The following NKAIN3 variants were observed in gnomAD, a reference collection of about 807,000 sequenced individuals.
The protein encoded by NKAIN3 is sodium/potassium transporting ATPase interacting 3, also known as sodium/potassium-transporting ATPase subunit beta-1-interacting protein 3.
NKAIN3 carries 25 observed loss-of-function variants against 30.2 expected under a neutral mutation model. The ratio of observed to expected loss-of-function variants is 0.83; its 90% CI spans 0.60 to 1.16. The LOEUF (loss-of-function observed/expected upper bound fraction) is 1.16. NKAIN3 is among the 50% of genes most tolerant of loss of function. NKAIN3 has a pLI of 0.00. For synonymous variants in NKAIN3, 91 were observed against 89.6 expected (o/e 1.02, Z -0.09); for missense variants, 225 against 254.1 (o/e 0.89, Z 0.78).
chr8:62,870,255 T>G lies in NKAIN3; in HGVS notation c.472-48198T>G, dbSNP rs940081406. ...ATATAGATATCTATAGATATCTATA[T>G]ATATATCTATATATAGATATATATA... On this transcript the variant is annotated intron_variant, in intron 4 of 6. Transcript: ENST00000623646. 1.6e-4 allele frequency among the ~76,000 whole-genome samples: 19 copies of G among 118,254 alleles called. 1 individual carries two copies. The highest frequency in any genetic ancestry group is 2.8e-4 in the African/African-American group (7 of 24,682). 77.6% of individuals were successfully genotyped at this position (118,254 alleles called of 152,430 possible). A position where few individuals can be genotyped will look rare whatever the true frequency, so the allele number is the denominator to read the frequency against.
Position 62,980,685 on chromosome 8 carries a change from A to G in NKAIN3, c.*15278A>G, listed in dbSNP as rs1360731481. The G allele has an allele frequency of 6.6e-6, 1 of 152,244 alleles. No individual in the cohort carries two copies. The highest frequency in any genetic ancestry group is 2.4e-5 in the African/African-American group (1 of 41,456). 9.4% of individuals were successfully genotyped at this position (152,244 alleles called of 1,614,324 possible). On this transcript the variant is annotated 3_prime_UTR_variant, in exon 7 of 7. Coordinates refer to ENST00000623646, the MANE Select transcript of NKAIN3 (RefSeq NM_001304533.3). ...ACATGTATCTAAACCAGAAAAAAAT[A>G]TTCCTTGTACATGATATTTTTAGGC...
chr8:62,466,157 A>G (rs1806155019), intron 1 of NKAIN3, among the ~76,000 whole-genome samples: 1 of 152,204 alleles, frequency 6.6e-6, no homozygotes, highest in African/African-American at 2.4e-5. Flanking sequence ...AACCTTAACG[A>G]AAGTTCAAGT....
chr8:62,252,255 G>A (rs1812129939), intron 1 of NKAIN3, among the ~76,000 whole-genome samples: 2 of 152,132 alleles, frequency 1.3e-5, no homozygotes, highest in African/African-American at 4.8e-5. Context: ...GAACACATCT[G>A]CTGAAGACAA....
rs556674380 is a variant in NKAIN3 at position 62,756,635 on chromosome 8, T to G, written c.471+9506T>G. ...AAACATCTGCGTTACAGATAGCAAC[T>G]GACAGCTCTTACACGGATGCCTGGT... On this transcript the variant is annotated intron_variant, in intron 4 of 6. Coordinates refer to ENST00000623646, the MANE Select transcript of NKAIN3 (RefSeq NM_001304533.3). Among the ~76,000 whole-genome samples the G allele has an allele frequency of 3.9e-5, 6 of 152,326 alleles. No homozygotes were observed. In the South Asian group the frequency reaches 1.2e-3, roughly 32 times the overall value.
In NKAIN3 at chr8:62,653,806, C is replaced by T. The variant is rs191681075; in HGVS notation, c.273+64012C>T. ...GAGAGGGTGGAGTTTGTTACCTGTA[C>T]GATCTTATTCCAGAATTATTCTACA... On this transcript the variant is annotated intron_variant, in intron 3 of 6. Transcript: ENST00000623646. Among the ~76,000 whole-genome samples, 532 of 152,152 alleles carry T rather than the reference C, an allele frequency of 3.5e-3. 7 individuals carry two copies. The highest frequency in any genetic ancestry group is 0.011 in the African/African-American group (439 of 41,516).
chr8:62,578,443 G>A (rs895871524), intron 1 of NKAIN3, among the ~76,000 whole-genome samples: 1 of 152,006 alleles, frequency 6.6e-6, no homozygotes, highest in African/African-American at 2.4e-5. Context: ...TTTCTTGTAG[G>A]TATATGATCT....
chr8:62,813,530 A>T (rs1818562335), intron 4 of NKAIN3, among the ~76,000 whole-genome samples: 1 of 150,074 alleles, frequency 6.7e-6, no homozygotes. Flanking sequence ...CCATTTGGCC[A>T]GTCTGTATAT....
At chr8:62,443,530 C>T (rs372035651) in intron 1 of NKAIN3, among the ~76,000 whole-genome samples, 235 of 151,868 alleles carry the variant, frequency 1.5e-3, no homozygotes, top group African/African-American at 5.2e-3. Flanking sequence ...ACTAGAGGTG[C>T]GAGCCACCAT....
chr8:62,859,810 A>G (rs1204161815), intron 4 of NKAIN3, among the ~76,000 whole-genome samples: 1 of 152,160 alleles, frequency 6.6e-6, no homozygotes, highest in Non-Finnish European at 1.5e-5. Context: ...TGTCCTAGGT[A>G]GTGGTCATAG....
At chr8:62,873,683 C>A (rs570195603) in intron 4 of NKAIN3, among the ~76,000 whole-genome samples, 52 of 151,900 alleles carry the variant, frequency 3.4e-4, no homozygotes, top group African/African-American at 1.1e-3. Context: ...AAGAAACTCA[C>A]TCAAAACCAC....
At chr8:62,661,707 G>A (rs368336156) in intron 3 of NKAIN3, among the ~76,000 whole-genome samples, 1 of 152,160 alleles carries the variant, frequency 6.6e-6, no homozygotes, top group Non-Finnish European at 1.5e-5. Flanking sequence ...TCATATAAGG[G>A]CTTGGGCTCG....
intron 1 of NKAIN3, among the ~76,000 whole-genome samples, chr8:62,549,378 G>T (rs1370687358): frequency 6.6e-6 from 1 of 151,946 alleles, no homozygotes; most frequent in Non-Finnish European, 1.5e-5. Context: ...GGTTATTTTT[G>T]TTTAATTTAA....
intron 5 of NKAIN3, among the ~76,000 whole-genome samples, chr8:62,933,028 A>ACACACACACC (rs375202102): frequency 6.6e-6 from 1 of 151,432 alleles, no homozygotes; most frequent in African/African-American, 2.4e-5. Context: ...ACACACACAC[A>ACACACACACC]CCAGGGAATG....
chr8:62,428,787 A>G (rs1384336544), intron 1 of NKAIN3, among the ~76,000 whole-genome samples: 1 of 151,570 alleles, frequency 6.6e-6, no homozygotes, highest in Non-Finnish European at 1.5e-5. Flanking sequence ...TTTTCTCTTC[A>G]CTTATTAATT....
chr8:62,752,505 T>C (rs1163027865), intron 4 of NKAIN3, among the ~76,000 whole-genome samples: 2 of 152,192 alleles, frequency 1.3e-5, no homozygotes, highest in Non-Finnish European at 2.9e-5. Context: ...TTAATATGTA[T>C]GTATTTTCCT....
At chr8:62,575,485 A>T (rs925379372) in intron 1 of NKAIN3, among the ~76,000 whole-genome samples, 3 of 152,152 alleles carry the variant, frequency 2.0e-5, no homozygotes, top group Non-Finnish European at 1.5e-5. Context: ...AAATGGAAAG[A>T]TATTCCATGT....
intron 4 of NKAIN3, among the ~76,000 whole-genome samples, chr8:62,823,615 G>A (rs565752498): frequency 1.7e-3 from 254 of 152,256 alleles, no homozygotes; most frequent in Non-Finnish European, 2.2e-3. Context: ...AAAGCCCTTC[G>A]TAACCTGGCA....
intron 1 of NKAIN3, among the ~76,000 whole-genome samples, chr8:62,277,024 T>C (rs1442426732): frequency 1.3e-5 from 2 of 152,196 alleles, no homozygotes; most frequent in Non-Finnish European, 2.9e-5. Context: ...TTTAATTAAT[T>C]GTTAATAATA....
intron 1 of NKAIN3, among the ~76,000 whole-genome samples, chr8:62,397,023 GAT>G (rs1817786892): frequency 6.6e-6 from 1 of 152,124 alleles, no homozygotes; most frequent in African/African-American, 2.4e-5. Flanking sequence ...AGGATATTGG[GAT>G]ATGTGGGGTG....
Sources: allele counts gnomAD v4.1 joint callset (sites outside exome capture counted in the v4.1 genomes callset), GRCh38; gene constraint gnomAD v4.1.1; transcripts MANE v1.5; gene names NCBI Gene and HGNC (gene_info 2026-07-23, HGNC 2026-07-21).